The following KCTD8 variants were observed in gnomAD, a reference collection of about 807,000 sequenced individuals.
KCTD8 encodes BTB/POZ domain-containing protein KCTD8.
A neutral mutation model predicts 31.5 loss-of-function variants in KCTD8; 27 were observed. The ratio of observed to expected loss-of-function variants is 0.86; its 90% confidence interval spans 0.63 to 1.18. KCTD8 has a LOEUF of 1.18. Among genes scored for constraint, KCTD8 ranks in the 50% most tolerant of loss-of-function variants. The pLI is 0.00. For missense variants in KCTD8, 658 were observed against 647.7 expected (o/e 1.02, Z -0.17); for synonymous variants, 290 against 280.0 (o/e 1.04, Z -0.36).
chr4:44,268,498 C>G (rs1716465187), intron 1 of KCTD8, among the ~76,000 whole-genome samples: 1 of 152,136 alleles, frequency 6.6e-6, no homozygotes, highest in Non-Finnish European at 1.5e-5. Context: ...CAGGGATGCC[C>G]TCTCTCACCA....
At chr4:44,211,026 T>C (rs1380301635) in intron 1 of KCTD8, among the ~76,000 whole-genome samples, 1 of 152,206 alleles carries the variant, frequency 6.6e-6, no homozygotes, top group Non-Finnish European at 1.5e-5. Context: ...AGTGTTATAT[T>C]TGACAAGGAG....
At chr4:44,421,345 C>T (rs1457213012) in intron 1 of KCTD8, among the ~76,000 whole-genome samples, 1 of 151,914 alleles carries the variant, frequency 6.6e-6, no homozygotes, top group Middle Eastern at 3.2e-3. Flanking sequence ...ATTTTGATGA[C>T]CACATGACCT....
chr4:44,307,017 T>A (rs551635391), intron 1 of KCTD8, among the ~76,000 whole-genome samples: 16 of 152,040 alleles, frequency 1.1e-4, no homozygotes, highest in African/African-American at 3.4e-4. Context: ...ACACTCGCCA[T>A]CCAATATGTA....
At chr4:44,400,526 C>A (rs1381282265) in intron 1 of KCTD8, among the ~76,000 whole-genome samples, 1 of 151,804 alleles carries the variant, frequency 6.6e-6, no homozygotes. Flanking sequence ...GTCAGGAGTT[C>A]GAGACCAGCC....
At chr4:44,316,381 A>G (rs1410296268) in intron 1 of KCTD8, among the ~76,000 whole-genome samples, 1 of 151,902 alleles carries the variant, frequency 6.6e-6, no homozygotes, top group African/African-American at 2.4e-5. Context: ...TCTCTGCATT[A>G]TCTCTATTTC....
intron 1 of KCTD8, among the ~76,000 whole-genome samples, chr4:44,406,250 A>C (rs1720794017): frequency 6.6e-6 from 1 of 152,114 alleles, no homozygotes. Context: ...GTTAAATACA[A>C]CTCAGACCAT....
At chr4:44,381,690 A>G (rs1028679303) in intron 1 of KCTD8, among the ~76,000 whole-genome samples, 1 of 151,728 alleles carries the variant, frequency 6.6e-6, no homozygotes, top group Non-Finnish European at 1.5e-5. Context: ...GAATGGCTTC[A>G]TGTCATCCCC....
chr4:44,406,395 G>A (rs944011448), intron 1 of KCTD8, among the ~76,000 whole-genome samples: 2 of 152,140 alleles, frequency 1.3e-5, no homozygotes, highest in Admixed American at 1.3e-4. Flanking sequence ...GAGGGTCCAG[G>A]TGGGAGATAA....
chr4:44,316,453 T>A (rs1303240073), intron 1 of KCTD8, among the ~76,000 whole-genome samples: 1 of 152,184 alleles, frequency 6.6e-6, no homozygotes, highest in African/African-American at 2.4e-5. Context: ...CTTGATGATG[T>A]TGTCTTCAGA....
chr4:44,237,661 A>G (rs1366988448), intron 1 of KCTD8, among the ~76,000 whole-genome samples: 1 of 152,206 alleles, frequency 6.6e-6, no homozygotes, highest in Admixed American at 6.5e-5. Flanking sequence ...ACCATACTCT[A>G]AAAAGAAGTC....
At chr4:44,287,238 C>A (rs914516917) in intron 1 of KCTD8, among the ~76,000 whole-genome samples, 4 of 151,826 alleles carry the variant, frequency 2.6e-5, no homozygotes, top group East Asian at 1.9e-4. Flanking sequence ...ACAAAAATAG[C>A]GAAACCTTAT....
At chr4:44,406,721 T>G (rs754991639) in intron 1 of KCTD8, among the ~76,000 whole-genome samples, 42 of 152,190 alleles carry the variant, frequency 2.8e-4, no homozygotes, top group South Asian at 1.5e-3. Context: ...AATGACAACC[T>G]TGACCAAAAA....
intron 1 of KCTD8, among the ~76,000 whole-genome samples, chr4:44,360,607 G>A (rs1287592185): frequency 6.6e-6 from 1 of 151,946 alleles, no homozygotes; most frequent in East Asian, 1.9e-4. Context: ...ACAACCAGGA[G>A]CATCGAGAAA....
chr4:44,405,090 T>C (rs993771576), intron 1 of KCTD8, among the ~76,000 whole-genome samples: 1 of 152,146 alleles, frequency 6.6e-6, no homozygotes, highest in African/African-American at 2.4e-5. Flanking sequence ...CTGCTTTCAG[T>C]GATCTAATAT....
At chr4:44,289,503 T>C (rs1717205476) in intron 1 of KCTD8, among the ~76,000 whole-genome samples, 1 of 151,504 alleles carries the variant, frequency 6.6e-6, no homozygotes, top group Admixed American at 6.6e-5. Context: ...ACCCTGAGGG[T>C]AAAGAGAAAG....
At chr4:44,337,045 C>A (rs572088997) in intron 1 of KCTD8, among the ~76,000 whole-genome samples, 1 of 152,126 alleles carries the variant, frequency 6.6e-6, no homozygotes, top group African/African-American at 2.4e-5. Context: ...AGAAGAGGAT[C>A]TGAACTAATA....
chr4:44,305,874 T>A (rs1019483041), intron 1 of KCTD8, among the ~76,000 whole-genome samples: 18 of 151,986 alleles, frequency 1.2e-4, no homozygotes, highest in African/African-American at 4.3e-4. Context: ...CCTATCACAT[T>A]TTCTGTACAT....
chr4:44,180,124 T>A (rs1426546657), intron 1 of KCTD8, among the ~76,000 whole-genome samples: 11 of 152,112 alleles, frequency 7.2e-5, no homozygotes. Flanking sequence ...TAGAATCAAA[T>A]ATATACCTGA....
At chr4:44,368,479 T>A (rs1719698917) in intron 1 of KCTD8, among the ~76,000 whole-genome samples, 1 of 152,226 alleles carries the variant, frequency 6.6e-6, no homozygotes, top group South Asian at 2.1e-4. Context: ...TGAAACTCAA[T>A]GACACTAATT....
Sources: allele counts gnomAD v4.1 joint callset (sites outside exome capture counted in the v4.1 genomes callset), GRCh38; gene constraint gnomAD v4.1.1; transcripts MANE v1.5; gene names NCBI Gene and HGNC (gene_info 2026-07-23, HGNC 2026-07-21).